Variants in GPR39 observed in about 807,000 individuals in gnomAD.
The protein encoded by GPR39 is zinc sensing receptor.
Under a neutral mutation model 18.4 loss-of-function variants are expected in GPR39, and 23 were observed. The ratio of observed to expected loss-of-function variants is 1.25; its 90% CI spans 0.90 to 1.77. GPR39 has a LOEUF of 1.77. Among genes scored for constraint, GPR39 ranks in the 40% most tolerant of loss-of-function variants. The pLI, the probability that GPR39 is intolerant of heterozygous loss-of-function variation, is 0.00. For synonymous variants in GPR39, 280 were observed against 257.9 expected, an observed-to-expected ratio of 1.09 and a Z score of -0.82; for missense variants, 647 against 602.4, an observed-to-expected ratio of 1.07 and a Z score of -0.78.
At chr2:132,420,340 A>G (rs1354884765) in intron 1 of GPR39, among the ~76,000 whole-genome samples, 1 of 152,152 alleles carries the variant, frequency 6.6e-6, no homozygotes, top group Non-Finnish European at 1.5e-5. Flanking sequence ...TCACTAATTA[A>G]CTCAAGTTAG....
intron 1 of GPR39, among the ~76,000 whole-genome samples, chr2:132,518,092 A>G (rs1679364872): frequency 6.6e-6 from 1 of 152,256 alleles, no homozygotes; most frequent in Admixed American, 6.5e-5. Flanking sequence ...GCTTTAACAT[A>G]TTAGCTCAGT....
chr2:132,420,291 C>A (rs754791109), intron 1 of GPR39, among the ~76,000 whole-genome samples: 2 of 152,208 alleles, frequency 1.3e-5, no homozygotes, highest in Non-Finnish European at 2.9e-5. Flanking sequence ...ATGTCCTCCT[C>A]TCCCAATGAA....
intron 1 of GPR39, among the ~76,000 whole-genome samples, chr2:132,479,265 G>A (rs955127731): frequency 6.6e-6 from 1 of 152,170 alleles, no homozygotes; most frequent in Non-Finnish European, 1.5e-5. Context: ...TGAGACCTGC[G>A]AATTAAGTGG....
intron 1 of GPR39, among the ~76,000 whole-genome samples, chr2:132,545,630 C>T (rs714546): frequency 0.13 from 18,871 of 147,988 alleles, 1,964 homozygotes; most frequent in East Asian, 0.55. Flanking sequence ...TTAAAACCAT[C>T]TTATAATCCA....
intron 1 of GPR39, among the ~76,000 whole-genome samples, chr2:132,456,489 A>G (rs1049616940): frequency 6.6e-6 from 1 of 152,148 alleles, no homozygotes. Flanking sequence ...TTTAAGGGTA[A>G]TACTGTTATG....
intron 1 of GPR39, among the ~76,000 whole-genome samples, chr2:132,632,547 G>T (rs1305121283): frequency 2.6e-5 from 4 of 152,164 alleles, no homozygotes; most frequent in African/African-American, 9.7e-5. Context: ...AGCTGGCTGG[G>T]GCTGTGTGTT....
At chr2:132,597,132 A>T (rs1254057500) in intron 1 of GPR39, among the ~76,000 whole-genome samples, 1 of 152,146 alleles carries the variant, frequency 6.6e-6, no homozygotes, top group Non-Finnish European at 1.5e-5. Context: ...AGCTACCCTA[A>T]ATGCAGAGAG....
chr2:132,501,917 A>G (rs1245967613), intron 1 of GPR39, among the ~76,000 whole-genome samples: 2 of 152,114 alleles, frequency 1.3e-5, no homozygotes, highest in Non-Finnish European at 2.9e-5. Flanking sequence ...TTTGGTGTCC[A>G]TTTGCATGGA....
rs1464687545 is a variant in GPR39 at position 132,645,331 on chromosome 2, C to T, written c.1087C>T (p.Leu363=). 2 of 1,614,212 alleles carry T rather than the reference C, an allele frequency of 1.2e-6. No individual in the cohort carries two copies. The highest frequency in any genetic ancestry group is 3.3e-5 in the Admixed American group (2 of 60,030). ...GTTCGTGCAGGTGCTGTGCTGCCGC[C>T]TGTCGCTGCAGCACGCCAACCACGA... is the stretch of plus-strand genomic sequence containing the variant. ...RVFVQVLCCR[L]SLQHANHEKR... The change falls in exon 2 of 2, where the codon CTG becomes TTG. Residue 363 remains leucine (L), a synonymous_variant. Transcript: ENST00000329321.
chr2:132,615,542 A>T (rs957381757), intron 1 of GPR39, among the ~76,000 whole-genome samples: 3 of 152,174 alleles, frequency 2.0e-5, no homozygotes, highest in African/African-American at 4.8e-5. Flanking sequence ...AGCTGACTTG[A>T]GAACCACAGG....
At chr2:132,618,955 G>A (rs970813855) in intron 1 of GPR39, among the ~76,000 whole-genome samples, 2 of 152,160 alleles carry the variant, frequency 1.3e-5, no homozygotes, top group Admixed American at 6.5e-5. Flanking sequence ...AGAAATAAAC[G>A]GGAACTGCCC....
rs920186711 is a variant in GPR39 at position 132,646,466 on chromosome 2, C to T, written c.*860C>T. ...AGATAGATGGTGAAAGAGACAGGCA[C>T]TATTTCATTAGTTTTAACAAAACTG... On this transcript the variant is annotated 3_prime_UTR_variant, in exon 2 of 2. Transcript: ENST00000329321. 4.9e-6 allele frequency: 2 copies of T among 409,212 alleles called. No homozygotes were observed. The highest frequency in any genetic ancestry group is 8.6e-6 in the Non-Finnish European group (2 of 232,804). The allele number at this position is 409,212 out of a possible 1,614,324, so 25.3% of individuals were successfully genotyped here.
chr2:132,417,020 C>A lies in GPR39; in HGVS notation c.-23C>A. ...AGGGAAGTTGAGAAAGTCTTTGGAC[C>A]TGGTAGCCTGGTGCTCTTTCTCATG... On this transcript the variant is annotated 5_prime_UTR_variant, in exon 1 of 2. It adds an upstream start codon to the 5' untranslated region. Coordinates refer to ENST00000329321, the MANE Select transcript of GPR39 (RefSeq NM_001508.3). The A allele has an allele frequency of 6.2e-7, 1 of 1,607,042 alleles. No homozygotes were observed. Among genetic ancestry groups the A allele is most frequent in the Non-Finnish European group, 8.5e-7 (1 of 1,175,584 alleles).
rs1558814122 is a variant in GPR39, at chr2:132,492,178, CACCATATATATACATACCATATATAT to C, written c.856+74332_856+74357del. ...CATAAATATATACACACCATATATA[CACCATATATATACATACCATATATAT>C]ACCATATATATACATACCATATATA... is the stretch of plus-strand genomic sequence containing the variant. On this transcript the variant is annotated intron_variant, in intron 1 of 1. Transcript: ENST00000329321. Among the ~76,000 whole-genome samples, 24 of 141,858 alleles carry C rather than the reference CACCATATATATACATACCATATATAT, an allele frequency of 1.7e-4. No individual in the cohort carries two copies. The East Asian group carries it at 2.9e-3, about 17-fold the overall frequency. The allele number at this position is 141,858 out of a possible 152,430, so 93.1% of individuals were successfully genotyped here.
intron 1 of GPR39, among the ~76,000 whole-genome samples, chr2:132,437,915 G>A (rs1481743319): frequency 6.6e-6 from 1 of 152,196 alleles, no homozygotes; most frequent in African/African-American, 2.4e-5. Flanking sequence ...TAACTCTGGG[G>A]CTGCACCTGC....
At chr2:132,494,111 G>A (rs1681592372) in intron 1 of GPR39, among the ~76,000 whole-genome samples, 1 of 152,060 alleles carries the variant, frequency 6.6e-6, no homozygotes, top group African/African-American at 2.4e-5. Context: ...GTATAGGCAG[G>A]TCTTTAAGGA....
At chr2:132,580,389 G>A (rs1350499016) in intron 1 of GPR39, among the ~76,000 whole-genome samples, 1 of 152,078 alleles carries the variant, frequency 6.6e-6, no homozygotes, top group African/African-American at 2.4e-5. Context: ...TAAGTCACAG[G>A]GACATTAGCA....
In GPR39 at chr2:132,645,612, A is replaced by G. The variant is rs1457763432; in HGVS notation, c.*6A>G. 6.2e-7 allele frequency: 1 copy of G among 1,606,572 alleles called. No individual in the cohort carries two copies. Among genetic ancestry groups the G allele is most frequent in the East Asian group, 2.2e-5 (1 of 44,814 alleles). On this transcript the variant is annotated 3_prime_UTR_variant, in exon 2 of 2. Coordinates refer to ENST00000329321, the MANE Select transcript of GPR39 (RefSeq NM_001508.3). ...TTCAGGAGCATGAAGTTTGAATGTCAAGCGAGGGAGCCTTGAGTGGGAACT... is the reference window on the plus strand; with the variant it reads ...TTCAGGAGCATGAAGTTTGAATGTCGAGCGAGGGAGCCTTGAGTGGGAACT...
At chr2:132,517,062 T>C (rs2104763606) in intron 1 of GPR39, among the ~76,000 whole-genome samples, 1 of 152,298 alleles carries the variant, frequency 6.6e-6, no homozygotes, top group African/African-American at 2.4e-5. Flanking sequence ...GCATTTTTTT[T>C]TAAAAGCGGA....
Sources: allele counts gnomAD v4.1 joint callset (sites outside exome capture counted in the v4.1 genomes callset), GRCh38; gene constraint gnomAD v4.1.1; transcripts MANE v1.5; gene names NCBI Gene and HGNC (gene_info 2026-07-23, HGNC 2026-07-21).